Variants in MDGA2 observed in about 807,000 individuals in gnomAD.
The protein encoded by MDGA2 is MAM domain containing glycosylphosphatidylinositol anchor 2.
MDGA2 carries 40 observed loss-of-function variants against 117.8 expected under a neutral mutation model. The observed-to-expected ratio is 0.34, with a 90% CI of 0.26 to 0.44. The LOEUF (loss-of-function observed/expected upper bound fraction) is 0.44, where lower values mean the gene tolerates loss of function less well. Among genes scored for constraint, MDGA2 ranks in the 20% least tolerant of loss-of-function variants. The pLI is 1.00. For missense variants in MDGA2, 1,123 were observed against 1,250.6 expected (o/e 0.90, Z 1.54); for synonymous variants, 452 against 439.0 (o/e 1.03, Z -0.37).
intron 1 of MDGA2, among the ~76,000 whole-genome samples, chr14:47,553,779 T>C (rs1895632905): frequency 1.3e-5 from 2 of 152,210 alleles, no homozygotes; most frequent in African/African-American, 4.8e-5. Context: ...ATATATGTTG[T>C]CTTATATTTT....
chr14:46,950,342 C>T (rs958426634), intron 9 of MDGA2, among the ~76,000 whole-genome samples: 5 of 151,096 alleles, frequency 3.3e-5, no homozygotes, highest in East Asian at 1.9e-4. Flanking sequence ...TTATTATTGG[C>T]TTACTGGACC....
chr14:47,239,230 A>AG (rs1886963304), intron 2 of MDGA2, among the ~76,000 whole-genome samples: 1 of 151,288 alleles, frequency 6.6e-6, no homozygotes, highest in Non-Finnish European at 1.5e-5. Flanking sequence ...ATTAAAAAAA[A>AG]AAAAGGGCTC....
At chr14:47,215,519 C>A (rs1320908692) in intron 3 of MDGA2, among the ~76,000 whole-genome samples, 3 of 152,034 alleles carry the variant, frequency 2.0e-5, no homozygotes, top group Non-Finnish European at 4.4e-5. Flanking sequence ...CACATGGACT[C>A]CTTAGATAGG....
At chr14:47,002,563 AAT>A (rs1887569962) in intron 8 of MDGA2, among the ~76,000 whole-genome samples, 1 of 151,908 alleles carries the variant, frequency 6.6e-6, no homozygotes, top group African/African-American at 2.4e-5. Context: ...CCCTGTCTCT[AAT>A]AAACAGAAAA....
At chr14:46,862,526 T>C (rs1298925456) in intron 14 of MDGA2, among the ~76,000 whole-genome samples, 1 of 151,022 alleles carries the variant, frequency 6.6e-6, no homozygotes, top group Non-Finnish European at 1.5e-5. Context: ...TATAAATATG[T>C]ATTATATATT....
intron 1 of MDGA2, among the ~76,000 whole-genome samples, chr14:47,408,143 C>A (rs1197510927): frequency 6.6e-6 from 1 of 150,728 alleles, no homozygotes; most frequent in Non-Finnish European, 1.5e-5. Context: ...GCAACCTCCA[C>A]ATCCCGGGTT....
intron 8 of MDGA2, among the ~76,000 whole-genome samples, chr14:46,983,265 A>G (rs1348937854): frequency 6.6e-6 from 1 of 152,138 alleles, no homozygotes; most frequent in Non-Finnish European, 1.5e-5. Context: ...ATAATCATGT[A>G]CCTTATTCAG....
At chr14:47,651,486 T>C (rs558961121) in intron 1 of MDGA2, among the ~76,000 whole-genome samples, 22 of 152,124 alleles carry the variant, frequency 1.4e-4, no homozygotes, top group Admixed American at 9.8e-4. Context: ...ATCTGGAGTG[T>C]GTGAGAATGA....
At chr14:47,436,620 G>A (rs750391190) in intron 1 of MDGA2, among the ~76,000 whole-genome samples, 1 of 152,042 alleles carries the variant, frequency 6.6e-6, no homozygotes, top group African/African-American at 2.4e-5. Flanking sequence ...TGGCTTTCCT[G>A]GGCCACATTA....
intron 1 of MDGA2, among the ~76,000 whole-genome samples, chr14:47,470,022 G>A (rs1376455917): frequency 6.6e-6 from 1 of 152,120 alleles, no homozygotes; most frequent in African/African-American, 2.4e-5. Flanking sequence ...CAGGCTCACT[G>A]TAAGGTCAGC....
At chr14:47,053,650 TATATACAC>T (rs1889551725) in intron 7 of MDGA2, among the ~76,000 whole-genome samples, 3 of 47,030 alleles carry the variant, frequency 6.4e-5, no homozygotes, top group South Asian at 5.8e-4. Flanking sequence ...TATATATATA[TATATACAC>T]ACACACACAC....
At chr14:47,556,277 T>C (rs1039344768) in intron 1 of MDGA2, among the ~76,000 whole-genome samples, 1 of 152,168 alleles carries the variant, frequency 6.6e-6, no homozygotes, top group African/African-American at 2.4e-5. Flanking sequence ...CTCCACAATC[T>C]GATCTATCCC....
At chr14:47,659,626 T>G (rs1421554263) in intron 1 of MDGA2, among the ~76,000 whole-genome samples, 2 of 152,218 alleles carry the variant, frequency 1.3e-5, no homozygotes, top group African/African-American at 4.8e-5. Flanking sequence ...TACTTAAATC[T>G]TAGGTGTATA....
intron 1 of MDGA2, among the ~76,000 whole-genome samples, chr14:47,401,574 T>A (rs1227592873): frequency 6.6e-6 from 1 of 152,210 alleles, no homozygotes; most frequent in Non-Finnish European, 1.5e-5. Context: ...CACTGAATGA[T>A]TAAATCAAAT....
chr14:46,992,598 A>G (rs1259873312), intron 8 of MDGA2, among the ~76,000 whole-genome samples: 2 of 152,178 alleles, frequency 1.3e-5, no homozygotes, highest in African/African-American at 2.4e-5. Context: ...TTTTATTTGT[A>G]TAATGTTTTT....
intron 1 of MDGA2, among the ~76,000 whole-genome samples, chr14:47,346,701 T>G (rs1890770429): frequency 1.3e-5 from 2 of 152,202 alleles, no homozygotes; most frequent in Admixed American, 1.3e-4. Flanking sequence ...CACATCCTAT[T>G]TTTGTTAATT....
chr14:47,049,197 T>A (rs1283495934), intron 7 of MDGA2, among the ~76,000 whole-genome samples: 1 of 152,068 alleles, frequency 6.6e-6, no homozygotes, highest in Non-Finnish European at 1.5e-5. Context: ...CATCGACATT[T>A]AAACTGCTTG....
At chr14:47,054,748 G>A (rs925479915) in intron 7 of MDGA2, among the ~76,000 whole-genome samples, 1 of 151,580 alleles carries the variant, frequency 6.6e-6, no homozygotes, top group Non-Finnish European at 1.5e-5. Context: ...AACAAGCAAT[G>A]GGGAAAGGAT....
At chr14:47,206,941 T>C (rs1885706522) in intron 3 of MDGA2, among the ~76,000 whole-genome samples, 2 of 151,956 alleles carry the variant, frequency 1.3e-5, no homozygotes, top group African/African-American at 4.8e-5. Context: ...TTCTTAGAAG[T>C]CAGAGATCAT....
Sources: allele counts gnomAD v4.1 joint callset (sites outside exome capture counted in the v4.1 genomes callset), GRCh38; gene constraint gnomAD v4.1.1; transcripts MANE v1.5; gene names NCBI Gene and HGNC (gene_info 2026-07-23, HGNC 2026-07-21).